Variants in FGF13 observed in about 807,000 individuals in gnomAD.
FGF13 encodes the protein fibroblast growth factor 13.
A neutral mutation model predicts 19.5 loss-of-function variants in FGF13; 2 were observed. The ratio of observed to expected loss-of-function variants is 0.10; its 90% CI spans 0.04 to 0.32. The LOEUF is 0.32. Among genes scored for constraint, FGF13 ranks in the 10% least tolerant of loss-of-function variants. The pLI is 1.00. For synonymous variants in FGF13, 72 were observed against 76.9 expected, an observed-to-expected ratio of 0.94 and a Z score of 0.33; for missense variants, 113 against 192.7, an observed-to-expected ratio of 0.59 and a Z score of 2.45.
Position 139,127,920 on chromosome X carries a change from C to G in FGF13, c.-113+75496G>C, listed in dbSNP as rs1231609425. 4.5e-5 allele frequency among the ~76,000 whole-genome samples: 5 copies of G among 110,848 alleles called. No homozygotes were observed. The Admixed American group carries it at 4.8e-4, about 11-fold the overall frequency. On this transcript the variant is annotated intron_variant, in intron 1 of 2. Coordinates refer to the FGF13 transcript ENST00000421460. The stretch of plus-strand genomic sequence containing the variant: ...GCTGATGTCGCTTTAGAACCTCACC[C>G]TCCTTTGAGTTTAAGGGAGGTTCTT...
rs774139314 is a variant in FGF13 at position 138,975,159 on chromosome X, C to T, written c.-112-110509G>A. 4.4e-5 allele frequency among the ~76,000 whole-genome samples: 5 copies of T among 113,044 alleles called. No individual in the cohort carries two copies. In the South Asian group the frequency reaches 1.8e-3, roughly 41 times the overall value. On this transcript the variant is annotated intron_variant, in intron 1 of 2. Coordinates refer to the FGF13 transcript ENST00000421460. ...AAAAACAATAATGAAAGCAATAATA[C>T]TCCCCATGTGCATGGCACTTCACTG...
chrX:139,054,918 T>C (rs1265163157), intron 1 of FGF13, among the ~76,000 whole-genome samples: 1 of 109,451 alleles, frequency 9.1e-6, no homozygotes, highest in Non-Finnish European at 1.9e-5. Flanking sequence ...TATTGTATTG[T>C]ATTGTATTGT....
intron 3 of FGF13, among the ~76,000 whole-genome samples, chrX:138,829,954 G>T (rs970620249): frequency 8.9e-6 from 1 of 112,170 alleles, no homozygotes; most frequent in Admixed American, 9.4e-5. Context: ...CCTGATCTCA[G>T]GTGATCCACC....
chrX:138,837,004 A>G lies in FGF13; in HGVS notation c.217+20508T>C, dbSNP rs1275458398. Among the ~76,000 whole-genome samples the G allele has an allele frequency of 7.2e-5, 8 of 111,076 alleles. No individual in the cohort carries two copies. In the Admixed American group the frequency reaches 7.6e-4, roughly 11 times the overall value. ...CAGTACCTGGAGGTATCACCAGTGAAGGCTGTGAAACAGCAAATAAGGGAG... is the reference window on the plus strand; with the variant it reads ...CAGTACCTGGAGGTATCACCAGTGAGGGCTGTGAAACAGCAAATAAGGGAG... On this transcript the variant is annotated intron_variant, in intron 3 of 6. Coordinates refer to the FGF13 transcript ENST00000436198.
At chrX:139,086,136 A>G (rs1476458981) in intron 1 of FGF13, among the ~76,000 whole-genome samples, 2 of 111,724 alleles carry the variant, frequency 1.8e-5, no homozygotes, top group African/African-American at 3.3e-5. Context: ...GTTTAAAACA[A>G]TGAACTTGTA....
At chrX:138,961,227 A>C (rs2091868271) in intron 1 of FGF13, among the ~76,000 whole-genome samples, 1 of 111,866 alleles carries the variant, frequency 8.9e-6, no homozygotes, top group Non-Finnish European at 1.9e-5. Flanking sequence ...TGTTAATGCT[A>C]TTCCTTTCTG....
chrX:139,004,398 C>T, intron 1 of FGF13, among the ~76,000 whole-genome samples: 1 of 112,637 alleles, frequency 8.9e-6, no homozygotes, highest in East Asian at 2.8e-4. Flanking sequence ...GGTTCCTGCT[C>T]GCGCCTCTCC....
chrX:138,659,403 AAAC>A (rs745956947), intron 3 of FGF13, among the ~76,000 whole-genome samples: 45 of 111,947 alleles, frequency 4.0e-4, no homozygotes, highest in Non-Finnish European at 7.7e-4. Flanking sequence ...AAAATTCAGG[AAAC>A]AACAGGTGCT....
At chrX:139,068,515 C>G (rs1322238098) in intron 1 of FGF13, among the ~76,000 whole-genome samples, 2 of 108,840 alleles carry the variant, frequency 1.8e-5, no homozygotes, top group Non-Finnish European at 3.8e-5. Flanking sequence ...TTTTCCAATT[C>G]TGTGAAGAAA....
At chrX:138,828,278 C>G (rs2091047026) in intron 3 of FGF13, among the ~76,000 whole-genome samples, 1 of 60,404 alleles carries the variant, frequency 1.7e-5, no homozygotes, top group Admixed American at 2.3e-4. Flanking sequence ...ATTTTAAAAT[C>G]TCCATTAAGG....
At chrX:138,916,500 G>A (rs1038565517) in intron 1 of FGF13, among the ~76,000 whole-genome samples, 1 of 111,787 alleles carries the variant, frequency 8.9e-6, no homozygotes, top group Non-Finnish European at 1.9e-5. Context: ...ATCAGAAAAA[G>A]GCCAGCTTTC....
At chrX:138,764,579 C>T (rs1048744343) in intron 3 of FGF13, among the ~76,000 whole-genome samples, 5 of 111,974 alleles carry the variant, frequency 4.5e-5, no homozygotes, top group African/African-American at 9.7e-5. Flanking sequence ...ATGTGAAATT[C>T]GAATGTCAAG....
At chrX:139,135,375 G>T (rs1330791798) in intron 1 of FGF13, among the ~76,000 whole-genome samples, 2 of 112,242 alleles carry the variant, frequency 1.8e-5, no homozygotes, top group African/African-American at 6.5e-5. Context: ...GTCCAGGCAG[G>T]GTGTGGTCCA....
intron 1 of FGF13, among the ~76,000 whole-genome samples, chrX:138,875,429 G>A (rs959819107): frequency 9.0e-6 from 1 of 111,119 alleles, no homozygotes; most frequent in African/African-American, 3.3e-5. Context: ...AGCAGAAACT[G>A]GTTGAGTCCA....
intron 3 of FGF13, among the ~76,000 whole-genome samples, chrX:138,760,781 A>G (rs896203434): frequency 8.9e-6 from 1 of 111,966 alleles, no homozygotes; most frequent in Non-Finnish European, 1.9e-5. Context: ...ATAATGTACC[A>G]TGAGGACTTT....
intron 1 of FGF13, among the ~76,000 whole-genome samples, chrX:139,056,705 G>A (rs1019842884): frequency 3.9e-4 from 44 of 111,934 alleles, no homozygotes; most frequent in African/African-American, 1.4e-3. Flanking sequence ...TCTTAATCAT[G>A]ATCAGAGTAT....
intron 1 of FGF13, among the ~76,000 whole-genome samples, chrX:138,886,516 T>C (rs945392613): frequency 4.5e-5 from 5 of 112,017 alleles, no homozygotes; most frequent in African/African-American, 1.6e-4. Flanking sequence ...CTCTGGTAGA[T>C]TTCACCCATT....
intron 1 of FGF13, among the ~76,000 whole-genome samples, chrX:138,999,536 C>A (rs985292505): frequency 9.0e-6 from 1 of 111,639 alleles, no homozygotes; most frequent in Non-Finnish European, 1.9e-5. Flanking sequence ...TACAAACTAC[C>A]ATCAGATAAT....
intron 1 of FGF13, among the ~76,000 whole-genome samples, chrX:139,151,016 A>G (rs1453697676): frequency 2.7e-5 from 3 of 110,760 alleles, no homozygotes; most frequent in Non-Finnish European, 5.7e-5. Context: ...TAAGACTCCT[A>G]AGAGGACACA....
Sources: gnomAD v4.1 joint callset for allele counts (sites outside exome capture counted in the v4.1 genomes callset) on GRCh38, gnomAD v4.1.1 for gene constraint, MANE v1.5 for transcripts, NCBI Gene and HGNC (gene_info 2026-07-23, HGNC 2026-07-21) for gene names.